The following SH3PXD2B variants were observed in gnomAD, a reference collection of about 807,000 sequenced individuals.
The protein encoded by SH3PXD2B is SH3 and PX domains 2B.
A neutral mutation model predicts 73.1 loss-of-function variants in SH3PXD2B; 37 were observed. The observed-to-expected ratio is 0.51, with a 90% CI of 0.39 to 0.67. SH3PXD2B has a LOEUF of 0.67. SH3PXD2B is among the 30% of genes least tolerant of loss of function. The pLI is 0.00. For synonymous variants in SH3PXD2B, 457 were observed against 480.5 expected (o/e 0.95, Z 0.64); for missense variants, 1,053 against 1,197.8 (o/e 0.88, Z 1.78).
Position 172,370,019 on chromosome 5 carries a change from C to T in SH3PXD2B, c.427+3771G>A, listed in dbSNP as rs571533354. 3.9e-5 allele frequency among the ~76,000 whole-genome samples: 6 copies of T among 152,188 alleles called. No individual in the cohort carries two copies. In the East Asian group the frequency reaches 9.7e-4, roughly 25 times the overall value. ...TTAAATAAATTATAAATTAATTATACATTAAATAAATATTGAATGAATAAC... is the reference window on the plus strand; with the variant it reads ...TTAAATAAATTATAAATTAATTATATATTAAATAAATATTGAATGAATAAC... On this transcript the variant is annotated intron_variant, in intron 6 of 12. Coordinates refer to ENST00000311601, the MANE Select transcript of SH3PXD2B (RefSeq NM_001017995.3).
At chr5:172,448,822 G>A (rs980828888) in intron 1 of SH3PXD2B, among the ~76,000 whole-genome samples, 5 of 152,202 alleles carry the variant, frequency 3.3e-5, no homozygotes, top group South Asian at 2.1e-4. Flanking sequence ...TCTAACACCC[G>A]AGTTCTTTCC....
chr5:172,364,472 C>T (rs972675108), intron 6 of SH3PXD2B, among the ~76,000 whole-genome samples: 4 of 152,094 alleles, frequency 2.6e-5, no homozygotes, highest in Non-Finnish European at 5.9e-5. Flanking sequence ...CAAGACCAGC[C>T]TGGCCAACAT....
chr5:172,339,666 G>A lies in SH3PXD2B; in HGVS notation c.1439C>T (p.Ser480Leu), dbSNP rs781378826. Reference sequence around the variant, plus strand: ...CCAGTCTTTAGACCATGGCAACCCCGAGTCCATGACACCATGCGGTGCGTC... The same window carrying A: ...CCAGTCTTTAGACCATGGCAACCCCAAGTCCATGACACCATGCGGTGCGTC... Reference protein sequence around the residue: ...LPDAPHGVMDSGLPWSKDWKG... With the variant: ...LPDAPHGVMDLGLPWSKDWKG... The change falls in exon 13 of 13, where the codon TCG becomes TTG. Residue 480 changes from serine to leucine, a missense_variant. By Grantham distance (145) the Ser-to-Leu change is moderately radical (BLOSUM62 -2). Coordinates refer to ENST00000311601, the MANE Select transcript of SH3PXD2B (RefSeq NM_001017995.3). This position sits in a 1 kb window ranked among gnomAD's most constrained non-coding sequence, Gnocchi z 6.1. 1.1e-5 allele frequency: 17 copies of A among 1,614,098 alleles called. No homozygotes were observed. The South Asian group carries it at 1.4e-4, about 14-fold the overall frequency.
intron 6 of SH3PXD2B, among the ~76,000 whole-genome samples, chr5:172,368,496 T>TATAACA (rs1354881927): frequency 1.7e-4 from 1 of 5,832 alleles, no homozygotes; most frequent in African/African-American, 6.3e-4. Context: ...TATATATATA[T>TATAACA]TATATATATA....
chr5:172,333,647 A>C lies in SH3PXD2B; in HGVS notation c.*4722T>G. 13 of 1,289,284 alleles carry C rather than the reference A, an allele frequency of 1.0e-5. No individual in the cohort carries two copies. Among genetic ancestry groups the C allele is most frequent in the Non-Finnish European group, 1.3e-5 (13 of 988,852 alleles). The allele number at this position is 1,289,284 out of a possible 1,614,324, so 79.9% of individuals were successfully genotyped here. A position where few individuals can be genotyped will look rare whatever the true frequency, so the allele number is the denominator to read the frequency against. ...CACATCCTATATACTCATTTATTTAATGTGTTAAAGGAAACAAAAACCACC... is the reference window on the plus strand; with the variant it reads ...CACATCCTATATACTCATTTATTTACTGTGTTAAAGGAAACAAAAACCACC... On this transcript the variant is annotated 3_prime_UTR_variant, in exon 13 of 13. Transcript: ENST00000311601.
chr5:172,354,089 C>A, intron 8 of SH3PXD2B, 84 bp from the exon 9 acceptor site: 1 of 1,321,644 alleles, frequency 7.6e-7, no homozygotes, highest in South Asian at 1.2e-5. Flanking sequence ...CCTTGCCCGT[C>A]GGAGGGAGGA....
chr5:172,331,505 C>T (rs1035354291), downstream of SH3PXD2B, among the ~76,000 whole-genome samples: 1 of 152,198 alleles, frequency 6.6e-6, no homozygotes, highest in Non-Finnish European at 1.5e-5. Flanking sequence ...CCAAATAATA[C>T]TGAATGAGAG....
chr5:172,353,232 C>T lies in SH3PXD2B; in HGVS notation c.785+656G>A, dbSNP rs1757197119. On this transcript the variant is annotated intron_variant, in intron 9 of 12. Coordinates refer to ENST00000311601, the MANE Select transcript of SH3PXD2B (RefSeq NM_001017995.3). The surrounding 1 kb of genome is among the most constrained non-coding windows in gnomAD (Gnocchi z 4.3). ...GAATGTCCCGCCACACATCACAGCGCAGACACTAGATTGCAGGGACCTCGG... is the reference window on the plus strand; with the variant it reads ...GAATGTCCCGCCACACATCACAGCGTAGACACTAGATTGCAGGGACCTCGG... Among the ~76,000 whole-genome samples the T allele has an allele frequency of 6.6e-6, 1 of 152,236 alleles. No individual in the cohort carries two copies. The highest frequency in any genetic ancestry group is 2.4e-5 in the African/African-American group (1 of 41,456).
chr5:172,417,826 T>A (rs560206751), intron 2 of SH3PXD2B, among the ~76,000 whole-genome samples: 10 of 152,170 alleles, frequency 6.6e-5, no homozygotes, highest in Non-Finnish European at 1.5e-4. Context: ...AAGTCACCCT[T>A]TTAGAGTGTT....
At chr5:172,354,556 TG>T (rs942880379) in intron 8 of SH3PXD2B, among the ~76,000 whole-genome samples, 4 of 152,138 alleles carry the variant, frequency 2.6e-5, no homozygotes, top group African/African-American at 9.7e-5. Context: ...GAAGGCTGGG[TG>T]GGAGCCACCT....
chr5:172,439,258 A>C (rs11739669), intron 1 of SH3PXD2B, among the ~76,000 whole-genome samples: 38,381 of 85,732 alleles, frequency 0.45, 6,424 homozygotes, highest in East Asian at 0.75. Context: ...AAAGAAAAAA[A>C]AAAAACAAAA....
intron 1 of SH3PXD2B, among the ~76,000 whole-genome samples, chr5:172,449,360 T>C (rs1234557630): frequency 1.3e-5 from 2 of 152,200 alleles, no homozygotes; most frequent in African/African-American, 2.4e-5. Context: ...GATCCCCCTA[T>C]GTTTCTCCCA....
chr5:172,371,264 T>C (rs1757697324), intron 6 of SH3PXD2B, among the ~76,000 whole-genome samples: 1 of 152,220 alleles, frequency 6.6e-6, no homozygotes, highest in Non-Finnish European at 1.5e-5. Flanking sequence ...AAGTAAAGGT[T>C]AGAAAAATCA....
In SH3PXD2B at chr5:172,454,278, A is replaced by G. The variant is rs1346889080; in HGVS notation, c.75T>C (p.Tyr25=). The G allele has an allele frequency of 1.1e-5, 18 of 1,595,928 alleles. No homozygotes were observed. The highest frequency in any genetic ancestry group is 2.7e-5 in the African/African-American group (2 of 74,000). Residue 25 remains tyrosine (Y), a splice_region_variant and synonymous_variant, in exon 1 of 13, where the codon TAT becomes TAC. Coordinates refer to ENST00000311601, the MANE Select transcript of SH3PXD2B (RefSeq NM_001017995.3). ...VQKRRVPNKH[Y]VYIIRVTWSS... is the part of the protein sequence containing the mutation. ...GGCGTGGGGGCCGCGCCGCACTCAC[A>G]TAATGCTTGTTGGGCACCCGCCGCT...
At chr5:172,416,796 C>T (rs528799431) in intron 2 of SH3PXD2B, among the ~76,000 whole-genome samples, 1 of 148,554 alleles carries the variant, frequency 6.7e-6, no homozygotes, top group African/African-American at 2.5e-5. Context: ...GCAGCCTCGA[C>T]CTGCTAGGCT....
intron 3 of SH3PXD2B, among the ~76,000 whole-genome samples, chr5:172,404,541 C>T (rs1017595620): frequency 1.3e-5 from 2 of 152,150 alleles, no homozygotes; most frequent in South Asian, 4.1e-4. Context: ...ATCCACTCAC[C>T]TTGGCTTCCC....
At position 172,373,927 on chromosome 5, in the gene SH3PXD2B, G is replaced by A. The variant is rs1757767120; in HGVS notation, c.402-112C>T. On this transcript the variant is annotated intron_variant, in intron 5 of 12. Coordinates refer to ENST00000311601, the MANE Select transcript of SH3PXD2B (RefSeq NM_001017995.3). ...TTCTCCACCCCCCACAACATCATCA[G>A]TGAATGAATAAAATCCAGGCCAACT... 2.7e-5 allele frequency: 32 copies of A among 1,195,154 alleles called. No individual in the cohort carries two copies. In the South Asian group the frequency reaches 4.0e-4, roughly 15 times the overall value. The allele number at this position is 1,195,154 out of a possible 1,614,324, so 74.0% of individuals were successfully genotyped here.
chr5:172,345,918 A>T (rs1280262314), intron 12 of SH3PXD2B, among the ~76,000 whole-genome samples: 1 of 152,106 alleles, frequency 6.6e-6, no homozygotes, highest in Non-Finnish European at 1.5e-5. Context: ...TTTGTTCTGG[A>T]ATTAGACAGT....
intron 2 of SH3PXD2B, among the ~76,000 whole-genome samples, chr5:172,417,241 G>T (rs995107192): frequency 2.0e-5 from 3 of 152,174 alleles, no homozygotes; most frequent in Non-Finnish European, 2.9e-5. Flanking sequence ...GGTTGGTCCC[G>T]AATAGCCTGG....
Sources: allele counts gnomAD v4.1 joint callset (sites outside exome capture counted in the v4.1 genomes callset), GRCh38; gene constraint gnomAD v4.1.1; non-coding constraint Gnocchi (gnomAD v3.1); transcripts MANE v1.5; gene names NCBI Gene and HGNC (gene_info 2026-07-23, HGNC 2026-07-21).